Variants in RUNX1 observed in about 807,000 individuals in gnomAD.
RUNX1 encodes the protein runt-related transcription factor 1.
In RUNX1, 19 loss-of-function variants were observed where a neutral mutation model predicts 42.8. The ratio of observed to expected loss-of-function variants is 0.44; its 90% CI spans 0.31 to 0.65. The LOEUF is 0.65. RUNX1 is among the 30% of genes least tolerant of loss of function. The probability of loss-of-function intolerance (pLI) is 0.07; values close to 1 mark genes in which losing one functional copy is unlikely to be tolerated. For missense variants in RUNX1, 528 were observed against 672.0 expected, an observed-to-expected ratio of 0.79 and a Z score of 2.37; for synonymous variants, 271 against 289.4, an observed-to-expected ratio of 0.94 and a Z score of 0.64.
At chr21:35,005,889 C>T (rs895750385) in intron 2 of RUNX1, among the ~76,000 whole-genome samples, 1 of 152,208 alleles carries the variant, frequency 6.6e-6, no homozygotes, top group African/African-American at 2.4e-5. Context: ...GGCCTTGACA[C>T]ATTTAATGTC....
intron 6 of RUNX1, among the ~76,000 whole-genome samples, chr21:34,853,782 T>G (rs1478371099): frequency 6.6e-6 from 1 of 151,536 alleles, no homozygotes; most frequent in Non-Finnish European, 1.5e-5. Flanking sequence ...AGTTTACAGG[T>G]TGGTTCCTTC....
At chr21:34,861,770 G>A (rs187798302) in intron 5 of RUNX1, among the ~76,000 whole-genome samples, 3 of 152,240 alleles carry the variant, frequency 2.0e-5, no homozygotes, top group African/African-American at 7.2e-5. Flanking sequence ...ATCTGGCAAC[G>A]GGCAGTCACT....
chr21:34,888,896 C>A (rs548718662), intron 3 of RUNX1, among the ~76,000 whole-genome samples: 4 of 151,692 alleles, frequency 2.6e-5, no homozygotes, highest in African/African-American at 7.2e-5. Flanking sequence ...GCAGCCCGGG[C>A]GGGGAGTCGG....
intron 2 of RUNX1, among the ~76,000 whole-genome samples, chr21:34,951,923 C>T (rs1389925536): frequency 6.6e-6 from 1 of 152,186 alleles, no homozygotes; most frequent in African/African-American, 2.4e-5. Flanking sequence ...AAGACACATG[C>T]ACACGTATGT....
intron 2 of RUNX1, among the ~76,000 whole-genome samples, chr21:34,949,431 A>G (rs1360835446): frequency 6.6e-6 from 1 of 152,212 alleles, no homozygotes; most frequent in Non-Finnish European, 1.5e-5. Flanking sequence ...TAAAAATACA[A>G]TTTTCTGTAA....
In RUNX1 at chr21:34,979,725, G is replaced by A. The variant is rs184957399; in HGVS notation, c.58+69117C>T. Among the ~76,000 whole-genome samples, 174 of 152,282 alleles carry A rather than the reference G, an allele frequency of 1.1e-3. 1 individual carries two copies. In the Middle Eastern group the frequency reaches 0.017, roughly 15 times the overall value. ...TTCACGTCTGTTTTAAAGTCATGTCGGTTTTAAGTGCATTAGATAGCACTC... is the reference window on the plus strand; with the variant it reads ...TTCACGTCTGTTTTAAAGTCATGTCAGTTTTAAGTGCATTAGATAGCACTC... On this transcript the variant is annotated intron_variant, in intron 2 of 8. Coordinates refer to ENST00000675419, the MANE Select transcript of RUNX1 (RefSeq NM_001754.5).
At chr21:34,869,520 C>G (rs767536238) in intron 5 of RUNX1, among the ~76,000 whole-genome samples, 5 of 152,278 alleles carry the variant, frequency 3.3e-5, no homozygotes, top group Non-Finnish European at 7.4e-5. Context: ...TCGGTGTAAT[C>G]TAGAGTTCAG....
At chr21:34,845,824 A>G (rs140147430) in intron 6 of RUNX1, among the ~76,000 whole-genome samples, 9 of 152,240 alleles carry the variant, frequency 5.9e-5, no homozygotes, top group Middle Eastern at 3.4e-3. Context: ...CAGGGCCTCC[A>G]AGAGCTTTCC....
intron 8 of RUNX1, among the ~76,000 whole-genome samples, chr21:34,795,488 T>C (rs897692305): frequency 3.3e-5 from 5 of 152,104 alleles, no homozygotes; most frequent in Non-Finnish European, 7.4e-5. Context: ...GTAATTAAAG[T>C]TTATAGAAAC....
chr21:34,902,037 C>T (rs1228375748), intron 2 of RUNX1, among the ~76,000 whole-genome samples: 1 of 152,130 alleles, frequency 6.6e-6, no homozygotes, highest in Non-Finnish European at 1.5e-5. Context: ...CATGATTTTT[C>T]TAAGTTGAGT....
At chr21:35,019,661 A>AC (rs1315061075) in intron 2 of RUNX1, among the ~76,000 whole-genome samples, 1 of 152,028 alleles carries the variant, frequency 6.6e-6, no homozygotes, top group Admixed American at 6.6e-5. Flanking sequence ...TCACACCCAC[A>AC]CCCCCCAGAA....
intron 2 of RUNX1, among the ~76,000 whole-genome samples, chr21:34,991,426 T>G (rs967252521): frequency 1.3e-5 from 2 of 152,240 alleles, no homozygotes; most frequent in Non-Finnish European, 2.9e-5. Flanking sequence ...GGGCCCTTGA[T>G]GACATGGCTG....
chr21:34,797,926 G>A (rs906272296), intron 8 of RUNX1: 1 of 433,712 alleles, frequency 2.3e-6, no homozygotes, highest in African/African-American at 2.0e-5. Flanking sequence ...TAGAGGCCAA[G>A]GATGCTGCTA....
intron 6 of RUNX1, among the ~76,000 whole-genome samples, chr21:34,845,181 A>T (rs559020997): frequency 2.6e-5 from 4 of 152,346 alleles, no homozygotes; most frequent in African/African-American, 9.6e-5. Flanking sequence ...GGTGATGAAG[A>T]TGCTGGTCCC....
chr21:34,935,163 C>G (rs1480286797), intron 2 of RUNX1, among the ~76,000 whole-genome samples: 2 of 152,072 alleles, frequency 1.3e-5, no homozygotes, highest in Non-Finnish European at 2.9e-5. Flanking sequence ...GTCACTCATG[C>G]GTTAGCTGAT....
chr21:34,996,538 C>A (rs1050677398), intron 2 of RUNX1, among the ~76,000 whole-genome samples: 6 of 151,822 alleles, frequency 4.0e-5, no homozygotes, highest in Non-Finnish European at 8.8e-5. Flanking sequence ...GTGGAGAGGA[C>A]GAAGACCAGG....
At chr21:34,813,403 A>T (rs969756715) in intron 7 of RUNX1, among the ~76,000 whole-genome samples, 4 of 152,200 alleles carry the variant, frequency 2.6e-5, no homozygotes, top group African/African-American at 2.4e-5. Context: ...AAGCTAACAC[A>T]GCATTGTCCC....
At chr21:34,986,681 AAAGATGACTCAAGGGAT>A (rs2058890310) in intron 2 of RUNX1, among the ~76,000 whole-genome samples, 1 of 151,706 alleles carries the variant, frequency 6.6e-6, no homozygotes, top group African/African-American at 2.4e-5. Context: ...GGAGTAATGC[AAAGATGACTCAAGGGAT>A]GTCAAGGGTT....
intron 6 of RUNX1, among the ~76,000 whole-genome samples, chr21:34,839,636 T>C (rs143591354): frequency 6.6e-6 from 1 of 152,258 alleles, no homozygotes; most frequent in African/African-American, 2.4e-5. Context: ...TGAGGCTGTG[T>C]TTCACCTGCT....
Sources: gnomAD v4.1 joint callset for allele counts (sites outside exome capture counted in the v4.1 genomes callset) on GRCh38, gnomAD v4.1.1 for gene constraint, MANE v1.5 for transcripts, NCBI Gene and HGNC (gene_info 2026-07-23, HGNC 2026-07-21) for gene names.